TTC28: variants seen among roughly 807,000 people sequenced by gnomAD.
The protein encoded by TTC28 is tetratricopeptide repeat protein 28.
Under a neutral mutation model 198.0 loss-of-function variants are expected in TTC28, and 61 were observed. The observed-to-expected ratio is 0.31, with a 90% CI of 0.25 to 0.38. The LOEUF is 0.38. TTC28 is among the 10% of genes least tolerant of loss of function. The pLI is 1.00. For synonymous variants in TTC28, 1,171 were observed against 1,297.8 expected, an observed-to-expected ratio of 0.90 and a Z score of 2.10; for missense variants, 2,678 against 3,164.0, an observed-to-expected ratio of 0.85 and a Z score of 3.69.
At chr22:28,034,478 C>A (rs1443162271) in intron 12 of TTC28, among the ~76,000 whole-genome samples, 1 of 152,172 alleles carries the variant, frequency 6.6e-6, no homozygotes, top group Non-Finnish European at 1.5e-5. Flanking sequence ...GCTCTCTGGA[C>A]CTGAAGATTC....
intron 5 of TTC28, among the ~76,000 whole-genome samples, chr22:28,209,399 G>T (rs1037373476): frequency 6.6e-6 from 1 of 152,192 alleles, no homozygotes; most frequent in African/African-American, 2.4e-5. Flanking sequence ...AAGGGAAGCC[G>T]TGACAGACCG....
At chr22:28,232,594 C>T (rs1166316555) in intron 5 of TTC28, among the ~76,000 whole-genome samples, 2 of 152,164 alleles carry the variant, frequency 1.3e-5, no homozygotes, top group East Asian at 3.9e-4. Context: ...CCAACAGAAC[C>T]CAACTATAAA....
Position 27,998,815 on chromosome 22 carries a change from T to C in TTC28, c.4844A>G (p.Gln1615Arg). The C allele has an allele frequency of 1.9e-6, 3 of 1,550,564 alleles. No homozygotes were observed. The highest frequency in any genetic ancestry group is 2.6e-6 in the Non-Finnish European group (3 of 1,146,990). ...AAGCACCACCAGCTTCACAGGCAGCTGCAGGTCCAGGACGTCGGCGGCAGT... is the reference window on the plus strand; with the variant it reads ...AAGCACCACCAGCTTCACAGGCAGCCGCAGGTCCAGGACGTCGGCGGCAGT... ...LLTAADVLDL[Q>R]LPVKLVVLGS... The change falls in exon 16 of 23, where the codon CAG becomes CGG. Residue 1615 changes from glutamine (Q) to arginine (R), a missense_variant. Gln to Arg is a conservative substitution (Grantham distance 43). Transcript: ENST00000397906.
intron 2 of TTC28, among the ~76,000 whole-genome samples, chr22:28,553,785 T>C (rs1173741892): frequency 6.6e-6 from 1 of 150,954 alleles, no homozygotes; most frequent in Non-Finnish European, 1.5e-5. Context: ...AGCCACCCCG[T>C]CCGGGAGGTG....
rs118181016 is a variant in TTC28, at chr22:28,670,580, A to T, written c.102+9042T>A. Reference sequence around the variant, plus strand: ...TCCACTGGAAAAAAATATTTTGTTTATCCAGTCAACAGTTAGTTGTACTTG... The same window carrying T: ...TCCACTGGAAAAAAATATTTTGTTTTTCCAGTCAACAGTTAGTTGTACTTG... On this transcript the variant is annotated intron_variant, in intron 1 of 22. Coordinates refer to ENST00000397906, the MANE Select transcript of TTC28 (RefSeq NM_001145418.2). 5.9e-3 allele frequency among the ~76,000 whole-genome samples: 897 copies of T among 152,166 alleles called. 6 individuals carry two copies. Among genetic ancestry groups the T allele is most frequent in the Non-Finnish European group, 8.5e-3 (579 of 67,992 alleles).
intron 12 of TTC28, among the ~76,000 whole-genome samples, chr22:28,033,228 A>G (rs1206958935): frequency 6.6e-6 from 1 of 152,140 alleles, no homozygotes; most frequent in African/African-American, 2.4e-5. Flanking sequence ...CTGACCCTTC[A>G]AAGTATTAAC....
At chr22:28,137,171 T>C (rs761144747) in intron 6 of TTC28, among the ~76,000 whole-genome samples, 8 of 152,114 alleles carry the variant, frequency 5.3e-5, no homozygotes, top group African/African-American at 1.2e-4. Flanking sequence ...GAGAGACCTA[T>C]CCATGGCACA....
chr22:28,198,216 G>T (rs755402566), intron 5 of TTC28, among the ~76,000 whole-genome samples: 3 of 152,040 alleles, frequency 2.0e-5, no homozygotes. Flanking sequence ...GCTATTCTGC[G>T]CCTTCTACGT....
chr22:28,456,031 C>G (rs1246577445), intron 2 of TTC28, among the ~76,000 whole-genome samples: 1 of 150,928 alleles, frequency 6.6e-6, no homozygotes, highest in Non-Finnish European at 1.5e-5. Flanking sequence ...TGGTGGTGGG[C>G]ACCTGTAATC....
chr22:28,260,089 G>A (rs1931218377), intron 5 of TTC28, among the ~76,000 whole-genome samples: 3 of 152,210 alleles, frequency 2.0e-5, no homozygotes, highest in Admixed American at 2.0e-4. Context: ...GGGAACAGAT[G>A]TGAAAGATGT....
chr22:28,153,896 A>G (rs375367511), intron 6 of TTC28, among the ~76,000 whole-genome samples: 1 of 152,184 alleles, frequency 6.6e-6, no homozygotes, highest in Non-Finnish European at 1.5e-5. Context: ...TACCTCTCGT[A>G]TTTGACCCAA....
chr22:28,477,095 C>T (rs1005822207), intron 2 of TTC28, among the ~76,000 whole-genome samples: 1 of 152,132 alleles, frequency 6.6e-6, no homozygotes, highest in African/African-American at 2.4e-5. Context: ...TACAACTCCC[C>T]ATCAAAATCA....
intron 6 of TTC28, among the ~76,000 whole-genome samples, chr22:28,151,621 C>T (rs1943611028): frequency 6.6e-6 from 1 of 152,174 alleles, no homozygotes; most frequent in South Asian, 2.1e-4. Context: ...TGGGGCACAG[C>T]ACAGGATGCG....
intron 5 of TTC28, among the ~76,000 whole-genome samples, chr22:28,204,827 A>G (rs2147162355): frequency 6.6e-6 from 1 of 152,304 alleles, no homozygotes; most frequent in East Asian, 1.9e-4. Context: ...CACTAGAGAA[A>G]CACAGCCATG....
chr22:28,064,131 A>C (rs1246098411), intron 12 of TTC28, among the ~76,000 whole-genome samples: 1 of 152,196 alleles, frequency 6.6e-6, no homozygotes, highest in African/African-American at 2.4e-5. Context: ...AAGAAGTGAC[A>C]TGTGCTTATT....
At chr22:28,008,597 T>G (rs1445147192) in intron 14 of TTC28, 3 of 152,242 alleles carry the variant, frequency 2.0e-5, no homozygotes, top group African/African-American at 7.2e-5. Context: ...TAACAGAGAC[T>G]CTATAACTAG....
intron 2 of TTC28, among the ~76,000 whole-genome samples, chr22:28,357,607 A>G (rs986817905): frequency 1.3e-5 from 2 of 152,174 alleles, no homozygotes; most frequent in African/African-American, 4.8e-5. Flanking sequence ...CACCAAGCCC[A>G]GCCACTTTTA....
rs1398342177 is a variant in TTC28 at position 28,029,007 on chromosome 22, G to C, written c.4073+1219C>G. On this transcript the variant is annotated intron_variant, in intron 13 of 22. Coordinates refer to ENST00000397906, the MANE Select transcript of TTC28 (RefSeq NM_001145418.2). Reference sequence around the variant, plus strand: ...ACACTCTAGTTTATCACCACAGCCTGCATCACCTGGTGGAGGTAAGTGTCA... The same window carrying C: ...ACACTCTAGTTTATCACCACAGCCTCCATCACCTGGTGGAGGTAAGTGTCA... 4 of 471,068 alleles carry C rather than the reference G, an allele frequency of 8.5e-6. No individual in the cohort carries two copies. The Admixed American group carries it at 9.4e-5, about 11-fold the overall frequency. The allele number at this position is 471,068 out of a possible 1,614,324, so 29.2% of individuals were successfully genotyped here.
At chr22:28,619,359 CAA>C in intron 2 of TTC28, among the ~76,000 whole-genome samples, 1 of 152,244 alleles carries the variant, frequency 6.6e-6, no homozygotes, top group African/African-American at 2.4e-5. Context: ...AGCAACCTGT[CAA>C]AGACTTCAGC....
Sources: allele counts gnomAD v4.1 joint callset (sites outside exome capture counted in the v4.1 genomes callset), GRCh38; gene constraint gnomAD v4.1.1; transcripts MANE v1.5; gene names NCBI Gene and HGNC (gene_info 2026-07-23, HGNC 2026-07-21).